The following ARID4B variants were observed in gnomAD, a reference collection of about 807,000 sequenced individuals.
ARID4B encodes AT-rich interaction domain 4B.
A neutral mutation model predicts 147.5 loss-of-function variants in ARID4B; 26 were observed. The observed-to-expected ratio is 0.18, with a 90% CI of 0.13 to 0.24. The LOEUF (loss-of-function observed/expected upper bound fraction) is 0.24. Among genes scored for constraint, ARID4B ranks in the 10% least tolerant of loss-of-function variants. The pLI is 1.00. For missense variants in ARID4B, 1,179 were observed against 1,511.5 expected (o/e 0.78, Z 3.65); for synonymous variants, 512 against 507.9 (o/e 1.01, Z -0.11).
chr1:235,183,007 G>T (rs1380665365), intron 19 of ARID4B, among the ~76,000 whole-genome samples: 1 of 151,734 alleles, frequency 6.6e-6, no homozygotes, highest in Non-Finnish European at 1.5e-5. Flanking sequence ...GGTGATGGTT[G>T]TAACACTGTA....
chr1:235,180,130 GTTTTTTCTTTT>G (rs1664207383), intron 20 of ARID4B: 1 of 116,884 alleles, frequency 8.6e-6, no homozygotes, highest in South Asian at 3.0e-4. Flanking sequence ...TTCTTTTCTT[GTTTTTTCTTTT>G]TTTTTTTTTT....
At chr1:235,257,984 C>T (rs916490881) in intron 3 of ARID4B, among the ~76,000 whole-genome samples, 14 of 152,128 alleles carry the variant, frequency 9.2e-5, no homozygotes, top group African/African-American at 3.1e-4. Context: ...AACATTTAAT[C>T]TTCACAACAA....
At chr1:235,224,506 G>C (rs1297608154) in intron 12 of ARID4B, among the ~76,000 whole-genome samples, 197 bp downstream of exon 12, 1 of 152,156 alleles carries the variant, frequency 6.6e-6, no homozygotes, top group East Asian at 1.9e-4. Context: ...CACAATATCT[G>C]TCAAAATGCT....
intron 11 of ARID4B, among the ~76,000 whole-genome samples, chr1:235,225,700 A>G: frequency 6.6e-6 from 1 of 152,282 alleles, no homozygotes; most frequent in East Asian, 1.9e-4. Flanking sequence ...GATTTGTAAC[A>G]GTAAAAGTTA....
intron 6 of ARID4B, among the ~76,000 whole-genome samples, chr1:235,250,066 C>G (rs957759332): frequency 1.3e-5 from 2 of 151,972 alleles, no homozygotes; most frequent in Non-Finnish European, 2.9e-5. Context: ...GAGATCGCAC[C>G]ACTGCACTCC....
At chr1:235,318,769 T>C (rs983874710) in intron 2 of ARID4B, among the ~76,000 whole-genome samples, 1 of 152,030 alleles carries the variant, frequency 6.6e-6, no homozygotes, top group African/African-American at 2.4e-5. Flanking sequence ...TAATCCCATC[T>C]ACTTGGGAGC....
At chr1:235,326,554 T>C (rs1007831112) in intron 2 of ARID4B, among the ~76,000 whole-genome samples, 3 of 152,252 alleles carry the variant, frequency 2.0e-5, no homozygotes, top group African/African-American at 4.8e-5. Context: ...AGATTCTCTT[T>C]CATCAGTGTA....
intron 2 of ARID4B, among the ~76,000 whole-genome samples, chr1:235,284,226 G>T (rs949346583): frequency 1.2e-4 from 18 of 152,136 alleles, no homozygotes; most frequent in African/African-American, 3.9e-4. Context: ...TGGACGTGGT[G>T]GCAGGCACCT....
intron 2 of ARID4B, among the ~76,000 whole-genome samples, chr1:235,317,411 G>A (rs1674518048): frequency 6.6e-6 from 1 of 152,164 alleles, no homozygotes; most frequent in Non-Finnish European, 1.5e-5. Flanking sequence ...GTTAATTAAG[G>A]AAAGGGGAAA....
intron 10 of ARID4B, among the ~76,000 whole-genome samples, chr1:235,230,562 A>G (rs1668136399): frequency 6.9e-6 from 1 of 144,680 alleles, no homozygotes; most frequent in African/African-American, 2.6e-5. Context: ...GTTCTCTCCC[A>G]TTATTCTAGA....
chr1:235,242,425 C>T (rs1429510780), intron 7 of ARID4B, among the ~76,000 whole-genome samples: 5 of 152,164 alleles, frequency 3.3e-5, no homozygotes, highest in Admixed American at 3.3e-4. Flanking sequence ...CTGATTTCTA[C>T]TTGATTTACA....
intron 2 of ARID4B, among the ~76,000 whole-genome samples, chr1:235,309,602 G>A (rs1267417972): frequency 4.0e-4 from 58 of 146,022 alleles, no homozygotes; most frequent in Middle Eastern, 3.8e-3. Flanking sequence ...GGTGAGGGGC[G>A]CCTCTGCCCG....
intron 17 of ARID4B, among the ~76,000 whole-genome samples, chr1:235,206,476 A>G (rs1666314594): frequency 6.6e-6 from 1 of 152,180 alleles, no homozygotes; most frequent in Admixed American, 6.5e-5. Context: ...AAACCAAAAA[A>G]ATGTTAAATG....
rs572260519 is a variant in ARID4B at position 235,167,826 on chromosome 1, TA to T, written c.*698del. 96 of 192,740 alleles carry T rather than the reference TA, an allele frequency of 5.0e-4. No individual in the cohort carries two copies. Among genetic ancestry groups the T allele is most frequent in the Middle Eastern group, 1.9e-3 (1 of 538 alleles). The allele number at this position is 192,740 out of a possible 1,614,324, so 11.9% of individuals were successfully genotyped here. A position where few individuals can be genotyped will look rare whatever the true frequency, so the allele number is the denominator to read the frequency against. ...TTTTTCACACAATGTATATCAAAAT[TA>T]AAAAAAAATACTGATTTATAGAAAA... On this transcript the variant is annotated 3_prime_UTR_variant, in exon 24 of 24. Coordinates refer to ENST00000264183, the MANE Select transcript of ARID4B (RefSeq NM_016374.6).
chr1:235,221,205 C>A (rs1667447049), intron 14 of ARID4B, among the ~76,000 whole-genome samples: 1 of 152,190 alleles, frequency 6.6e-6, no homozygotes, highest in Non-Finnish European at 1.5e-5. Flanking sequence ...GCCAAGCATT[C>A]CATTTTACAA....
At chr1:235,281,429 T>C (rs1236669428) in intron 2 of ARID4B, among the ~76,000 whole-genome samples, 1 of 151,926 alleles carries the variant, frequency 6.6e-6, no homozygotes, top group East Asian at 1.9e-4. Flanking sequence ...TGCATGCTTG[T>C]AGTCCCAGCT....
intron 8 of ARID4B, 21 bp from the exon 9 acceptor site, chr1:235,234,513 G>A: frequency 3.2e-6 from 5 of 1,540,230 alleles, no homozygotes; most frequent in Non-Finnish European, 4.5e-6. Context: ...AAAGGGTGAA[G>A]CTATTATAAC....
intron 23 of ARID4B, among the ~76,000 whole-genome samples, chr1:235,169,881 C>T (rs547528890): frequency 7.9e-5 from 12 of 152,198 alleles, no homozygotes; most frequent in African/African-American, 1.4e-4. Flanking sequence ...AGTCTGGTCT[C>T]GAACTCCTGA....
At chr1:235,257,104 G>A in intron 4 of ARID4B, 56 bp downstream of exon 4, 1 of 1,182,884 alleles carries the variant, frequency 8.5e-7, no homozygotes, top group African/African-American at 1.5e-5. Context: ...TTAATACCAA[G>A]TATGATTATT....
Sources: gnomAD v4.1 joint callset for allele counts (sites outside exome capture counted in the v4.1 genomes callset) on GRCh38, gnomAD v4.1.1 for gene constraint, MANE v1.5 for transcripts, NCBI Gene and HGNC (gene_info 2026-07-23, HGNC 2026-07-21) for gene names.